The following TMEM244 variants were observed in gnomAD, a reference collection of about 807,000 sequenced individuals.
TMEM244 encodes putative transmembrane protein 244.
A neutral mutation model predicts 15.8 loss-of-function variants in TMEM244; 13 were observed. That is an observed-to-expected ratio of 0.82 (90% CI 0.53 to 1.30). The LOEUF is 1.30. TMEM244 is among the 50% of genes most tolerant of loss of function. The pLI is 0.00. For missense variants in TMEM244, 161 were observed against 144.9 expected, an observed-to-expected ratio of 1.11 and a Z score of -0.57; for synonymous variants, 45 against 48.7, an observed-to-expected ratio of 0.92 and a Z score of 0.32.
chr6:129,847,773 T>A (rs906701672), intron 1 of TMEM244, among the ~76,000 whole-genome samples: 1 of 141,508 alleles, frequency 7.1e-6, no homozygotes, highest in Non-Finnish European at 1.5e-5. Context: ...TTTTTCTTTT[T>A]TCTTTTTTTT....
chr6:129,836,507 T>G (rs1776410546), intron 3 of TMEM244, among the ~76,000 whole-genome samples: 2 of 152,104 alleles, frequency 1.3e-5, no homozygotes, highest in South Asian at 4.1e-4. Flanking sequence ...ACAGAGCACC[T>G]CTTCTCCTCC....
chr6:129,842,677 T>C (rs545764220), intron 3 of TMEM244, among the ~76,000 whole-genome samples: 28 of 152,176 alleles, frequency 1.8e-4, no homozygotes, highest in Admixed American at 5.2e-4. Context: ...GAGTAATTAC[T>C]GTATACAGAA....
chr6:129,838,474 G>C (rs1433712432), intron 3 of TMEM244, among the ~76,000 whole-genome samples: 1 of 152,142 alleles, frequency 6.6e-6, no homozygotes, highest in African/African-American at 2.4e-5. Context: ...ATGCCCACAA[G>C]AGAAAGCAGG....
chr6:129,843,058 C>T (rs1562197923), intron 3 of TMEM244, among the ~76,000 whole-genome samples: 1 of 152,000 alleles, frequency 6.6e-6, no homozygotes, highest in Non-Finnish European at 1.5e-5. Context: ...AGTTCTCTGT[C>T]ATCCCAGATG....
At chr6:129,833,860 G>A (rs1776364546) in intron 3 of TMEM244, among the ~76,000 whole-genome samples, 1 of 152,046 alleles carries the variant, frequency 6.6e-6, no homozygotes, top group East Asian at 1.9e-4. Context: ...ATAAAGAAGT[G>A]TTACAATATA....
chr6:129,841,993 C>T (rs996019267), intron 3 of TMEM244, among the ~76,000 whole-genome samples: 1 of 152,076 alleles, frequency 6.6e-6, no homozygotes, highest in Non-Finnish European at 1.5e-5. Context: ...ATCTAATACG[C>T]TAAGGTTTTA....
chr6:129,857,726 A>T (rs1776734745), intron 1 of TMEM244, among the ~76,000 whole-genome samples: 1 of 151,846 alleles, frequency 6.6e-6, no homozygotes. Context: ...CTTTCTGTAA[A>T]TGCCTCTAGT....
At chr6:129,860,087 A>T in intron 1 of TMEM244, among the ~76,000 whole-genome samples, 1 of 148,890 alleles carries the variant, frequency 6.7e-6, no homozygotes, top group African/African-American at 2.5e-5. Flanking sequence ...AACTATCTGG[A>T]TATTTTCTCT....
intron 1 of TMEM244, among the ~76,000 whole-genome samples, chr6:129,858,940 G>A (rs1049231933): frequency 2.6e-5 from 4 of 151,986 alleles, no homozygotes; most frequent in Non-Finnish European, 5.9e-5. Context: ...GACTACAGGT[G>A]TGCACCACCA....
chr6:129,836,567 G>C (rs371079348), intron 3 of TMEM244, among the ~76,000 whole-genome samples: 1 of 152,202 alleles, frequency 6.6e-6, no homozygotes, highest in Non-Finnish European at 1.5e-5. Flanking sequence ...GGTGGAGAAT[G>C]AGTTTGACGA....
chr6:129,849,007 T>A (rs185711365), intron 1 of TMEM244, among the ~76,000 whole-genome samples: 122 of 152,154 alleles, frequency 8.0e-4, no homozygotes, highest in African/African-American at 2.9e-3. Flanking sequence ...ACTATAAAAT[T>A]TTCCTTGTAT....
At chr6:129,854,012 C>A (rs140898135) in intron 1 of TMEM244, among the ~76,000 whole-genome samples, 1 of 152,170 alleles carries the variant, frequency 6.6e-6, no homozygotes, top group South Asian at 2.1e-4. Context: ...CTTGTTGTCG[C>A]ATTTAACAAC....
At chr6:129,845,898 C>T (rs1369168948) in intron 1 of TMEM244, 46 bp from the exon 2 acceptor site, 11 of 1,295,910 alleles carry the variant, frequency 8.5e-6, no homozygotes, top group Non-Finnish European at 1.2e-5. Context: ...GGATTTTTCA[C>T]ATGGTCTTTG....
chr6:129,834,103 C>A (rs1452592004), intron 3 of TMEM244, among the ~76,000 whole-genome samples: 1 of 152,206 alleles, frequency 6.6e-6, no homozygotes, highest in Non-Finnish European at 1.5e-5. Context: ...GGAAACATAA[C>A]TGATAACCAT....
At chr6:129,839,496 G>A (rs1457540701) in intron 3 of TMEM244, among the ~76,000 whole-genome samples, 1 of 152,178 alleles carries the variant, frequency 6.6e-6, no homozygotes, top group Non-Finnish European at 1.5e-5. Context: ...AAAACTGGAA[G>A]CATTCCCTTT....
At chr6:129,837,956 C>G (rs1189018798) in intron 3 of TMEM244, among the ~76,000 whole-genome samples, 1 of 152,170 alleles carries the variant, frequency 6.6e-6, no homozygotes, top group Non-Finnish European at 1.5e-5. Flanking sequence ...GACTTAGACT[C>G]CCACACAATA....
rs756942968 is a variant in TMEM244, at chr6:129,845,806, A to C, written c.80T>G (p.Val27Gly). ...GCCCATGCTCAGGGACACATAGTAC[A>C]CAGTGTAGAAAAGAATGACACATAG... ...FLLCVILFYT[V>G]YYVSLSMGCV... The change falls in exon 2 of 5, where the codon GTG becomes GGG. Residue 27 changes from valine (V) to glycine (G), a missense_variant. Coordinates refer to ENST00000368143, the MANE Select transcript of TMEM244 (RefSeq NM_001010876.2). 5 of 1,613,366 alleles carry C rather than the reference A, an allele frequency of 3.1e-6. No individual in the cohort carries two copies. The highest frequency in any genetic ancestry group is 4.2e-6 in the Non-Finnish European group (5 of 1,179,788).
intron 1 of TMEM244, among the ~76,000 whole-genome samples, chr6:129,850,195 C>G (rs1394326430): frequency 6.6e-6 from 1 of 152,106 alleles, no homozygotes; most frequent in Non-Finnish European, 1.5e-5. Flanking sequence ...GAAGCACTTG[C>G]AAAGACCTAG....
chr6:129,835,404 T>TAAAA (rs549649524), intron 3 of TMEM244, among the ~76,000 whole-genome samples: 1 of 138,446 alleles, frequency 7.2e-6, no homozygotes, highest in Non-Finnish European at 1.6e-5. Context: ...CTCTGTCTCT[T>TAAAA]AAAAAAAAAA....
Sources: allele counts gnomAD v4.1 joint callset (sites outside exome capture counted in the v4.1 genomes callset), GRCh38; gene constraint gnomAD v4.1.1; transcripts MANE v1.5; gene names NCBI Gene and HGNC (gene_info 2026-07-23, HGNC 2026-07-21).